The following NXPH1 variants were observed in gnomAD, a reference collection of about 807,000 sequenced individuals.
NXPH1 encodes the protein neurexophilin 1.
Under a neutral mutation model 23.7 loss-of-function variants are expected in NXPH1, and 5 were observed. That is an observed-to-expected ratio of 0.21 (90% CI 0.11 to 0.44). The LOEUF (loss-of-function observed/expected upper bound fraction) is 0.44, where lower values mean the gene tolerates loss of function less well. NXPH1 is among the 20% of genes least tolerant of loss of function. The pLI, the probability that NXPH1 is intolerant of heterozygous loss-of-function variation, is 0.99. For missense variants in NXPH1, 324 were observed against 321.6 expected, an observed-to-expected ratio of 1.01 and a Z score of -0.06; for synonymous variants, 144 against 122.2, an observed-to-expected ratio of 1.18 and a Z score of -1.18.
rs143535158 is a variant in NXPH1 at position 8,617,782 on chromosome 7, C to A, written c.55-133226C>A. Among the ~76,000 whole-genome samples, 132 of 152,172 alleles carry A rather than the reference C, an allele frequency of 8.7e-4. 1 individual carries two copies. The highest frequency in any genetic ancestry group is 3.0e-3 in the African/African-American group (126 of 41,546). ...AATAACGTAATTGTACGTTTTAAAA[C>A]AACTTAAAGAGTATAATGGGATTGT... is the stretch of plus-strand genomic sequence containing the variant. On this transcript the variant is annotated intron_variant, in intron 2 of 2. Transcript: ENST00000405863.
intron 2 of NXPH1, among the ~76,000 whole-genome samples, chr7:8,566,496 G>A (rs1455398843): frequency 6.6e-6 from 1 of 151,710 alleles, no homozygotes; most frequent in Non-Finnish European, 1.5e-5. Flanking sequence ...CTTAAAGTTG[G>A]GTAGGTAGCA....
chr7:8,709,806 T>C (rs934285485), intron 2 of NXPH1, among the ~76,000 whole-genome samples: 4 of 152,220 alleles, frequency 2.6e-5, no homozygotes, highest in Non-Finnish European at 5.9e-5. Context: ...CTAGAAATTA[T>C]TTACATCAAA....
At chr7:8,531,341 C>G (rs559071923) in intron 2 of NXPH1, among the ~76,000 whole-genome samples, 6 of 152,284 alleles carry the variant, frequency 3.9e-5, no homozygotes, top group African/African-American at 1.4e-4. Context: ...TGATGTACTA[C>G]ATAATAATGT....
At chr7:8,572,868 C>A (rs1291616346) in intron 2 of NXPH1, among the ~76,000 whole-genome samples, 1 of 151,598 alleles carries the variant, frequency 6.6e-6, no homozygotes, top group Non-Finnish European at 1.5e-5. Context: ...CATCAAGGGT[C>A]ATTTGAGAAG....
intron 2 of NXPH1, among the ~76,000 whole-genome samples, chr7:8,668,601 C>G (rs1820818484): frequency 6.6e-6 from 1 of 150,722 alleles, no homozygotes; most frequent in Non-Finnish European, 1.5e-5. Context: ...TGGCTTAAAA[C>G]TTGGGTCCAC....
At chr7:8,691,987 T>A (rs778791083) in intron 2 of NXPH1, among the ~76,000 whole-genome samples, 1 of 151,990 alleles carries the variant, frequency 6.6e-6, no homozygotes, top group Non-Finnish European at 1.5e-5. Flanking sequence ...CAAGCAATGA[T>A]CTGGGGAGAT....
chr7:8,511,605 C>T (rs77770416), intron 2 of NXPH1, among the ~76,000 whole-genome samples: 9,976 of 152,166 alleles, frequency 0.066, 454 homozygotes, highest in Middle Eastern at 0.15. Flanking sequence ...GCACATTGTA[C>T]CCAAAGGATT....
intron 2 of NXPH1, among the ~76,000 whole-genome samples, chr7:8,437,663 G>A (rs1177099008): frequency 6.6e-6 from 1 of 152,186 alleles, no homozygotes; most frequent in African/African-American, 2.4e-5. Context: ...CAGTTAAACC[G>A]TTTTCCACTC....
chr7:8,586,044 A>C (rs1818974013), intron 2 of NXPH1, among the ~76,000 whole-genome samples: 2 of 152,186 alleles, frequency 1.3e-5, no homozygotes, highest in African/African-American at 4.8e-5. Context: ...AGAGGTTTGC[A>C]ATACAGTTTG....
At chr7:8,642,350 C>T (rs975157857) in intron 2 of NXPH1, among the ~76,000 whole-genome samples, 3 of 152,098 alleles carry the variant, frequency 2.0e-5, no homozygotes, top group South Asian at 4.1e-4. Flanking sequence ...ATTATCATTT[C>T]GAATATTTTG....
chr7:8,729,595 G>A (rs924511648), intron 2 of NXPH1, among the ~76,000 whole-genome samples: 6 of 133,420 alleles, frequency 4.5e-5, no homozygotes, highest in Non-Finnish European at 7.8e-5. Flanking sequence ...ATTTCGTTAT[G>A]TACCCAGTAG....
chr7:8,562,762 C>T (rs181946285), intron 2 of NXPH1, among the ~76,000 whole-genome samples: 305 of 151,662 alleles, frequency 2.0e-3, no homozygotes, highest in South Asian at 7.5e-3. Context: ...AAAAATATGT[C>T]TGGTATAAGC....
intron 2 of NXPH1, among the ~76,000 whole-genome samples, chr7:8,725,908 G>T (rs1780045101): frequency 6.6e-6 from 1 of 152,128 alleles, no homozygotes; most frequent in South Asian, 2.1e-4. Flanking sequence ...CACTAGAAGG[G>T]TTTTTGAATC....
chr7:8,513,437 T>A (rs1817640564), intron 2 of NXPH1, among the ~76,000 whole-genome samples: 1 of 152,144 alleles, frequency 6.6e-6, no homozygotes, highest in African/African-American at 2.4e-5. Context: ...TCAGCATTAA[T>A]ATTCACATAT....
intron 2 of NXPH1, among the ~76,000 whole-genome samples, chr7:8,444,233 T>A (rs1816357756): frequency 6.6e-6 from 1 of 152,178 alleles, no homozygotes; most frequent in Admixed American, 6.5e-5. Context: ...AGTGCTCCAT[T>A]AACCCGTAGC....
intron 2 of NXPH1, among the ~76,000 whole-genome samples, chr7:8,733,568 C>G (rs942011485): frequency 6.6e-6 from 1 of 152,150 alleles, no homozygotes; most frequent in African/African-American, 2.4e-5. Flanking sequence ...TTAATGATCA[C>G]CATTCTAACT....
intron 2 of NXPH1, among the ~76,000 whole-genome samples, chr7:8,733,389 TA>T (rs1240953493): frequency 6.6e-6 from 1 of 152,222 alleles, no homozygotes; most frequent in Non-Finnish European, 1.5e-5. Flanking sequence ...TTTGGATATA[TA>T]TACCCAGTAA....
intron 2 of NXPH1, among the ~76,000 whole-genome samples, chr7:8,576,454 A>C (rs1441772425): frequency 6.6e-6 from 1 of 152,164 alleles, no homozygotes; most frequent in Non-Finnish European, 1.5e-5. Context: ...TTTCTACTGA[A>C]GCGCAAGGAA....
chr7:8,713,934 A>G (rs1779836662), intron 2 of NXPH1, among the ~76,000 whole-genome samples: 1 of 152,152 alleles, frequency 6.6e-6, no homozygotes, highest in Non-Finnish European at 1.5e-5. Context: ...CACAGCACTG[A>G]GTCTTGCTCA....
Sources: allele counts gnomAD v4.1 joint callset (sites outside exome capture counted in the v4.1 genomes callset), GRCh38; gene constraint gnomAD v4.1.1; transcripts MANE v1.5; gene names NCBI Gene and HGNC (gene_info 2026-07-23, HGNC 2026-07-21).